ZDBF2: variants seen among roughly 807,000 people sequenced by gnomAD.
ZDBF2 encodes the protein DBF4-type zinc finger-containing protein 2.
ZDBF2 carries 6 observed loss-of-function variants against 9.4 expected under a neutral mutation model. The observed-to-expected ratio is 0.64, with a 90% confidence interval of 0.35 to 1.27. The LOEUF is 1.27. ZDBF2 is among the 50% of genes most tolerant of loss of function. The pLI is 0.03. For missense variants in ZDBF2, 2,697 were observed against 2,766.8 expected, an observed-to-expected ratio of 0.97 and a Z score of 0.57; for synonymous variants, 905 against 946.3, an observed-to-expected ratio of 0.96 and a Z score of 0.80.
Position 206,305,469 on chromosome 2 carries a change from A to G in ZDBF2, c.941A>G (p.Asp314Gly), listed in dbSNP as rs1234202172. Residue 314 changes from aspartate (D) to glycine (G), a missense_variant, in exon 5 of 5, where the codon GAC (aspartate) becomes GGC (glycine). Asp to Gly is a moderately conservative substitution (Grantham distance 94). This residue lies in a region of ZDBF2 where 910 missense variants were observed against 973.6 expected (regional missense o/e 0.93). Transcript: ENST00000374423. ...TTAGCAGTAAACCCGAATAAAACTG[A>G]CATGCCTTCTAATAAAGGAATCTTT... Reference protein sequence around the residue: ...SKLAVNPNKTDMPSNKGIFED... With the variant: ...SKLAVNPNKTGMPSNKGIFED... The G allele has an allele frequency of 6.2e-7, 1 of 1,613,154 alleles. No individual in the cohort carries two copies. The highest frequency in any genetic ancestry group is 1.1e-5 in the South Asian group (1 of 90,920).
chr2:206,304,775 G>T lies in ZDBF2; in HGVS notation c.247G>T (p.Asp83Tyr). 1 of 1,613,602 alleles carries T rather than the reference G, an allele frequency of 6.2e-7. No homozygotes were observed. The highest frequency in any genetic ancestry group is 8.5e-7 in the Non-Finnish European group (1 of 1,179,718). Residue 83 changes from aspartate to tyrosine, a missense_variant, in exon 5 of 5, where the codon GAT becomes TAT. Transcript: ENST00000374423. ...TGSSSEVVHL[D>Y]DAFSEEEEED... ...GTCATCGTCTGAAGTGGTGCATTTG[G>T]ATGATGCTTTTTCTGAAGAAGAGGA... is the stretch of plus-strand genomic sequence containing the variant.
At position 206,305,064 on chromosome 2, in the gene ZDBF2, G is replaced by A. The variant is rs955001690; in HGVS notation, c.536G>A (p.Arg179His). ...ACAAATAATAGAAGCAACTTGGTAC[G>A]CCCCCCAGTGATTTGTAATGCTCCT... Reference protein sequence around the residue: ...QATNNRSNLVRPPVICNAPAS... With the variant: ...QATNNRSNLVHPPVICNAPAS... Residue 179 changes from arginine (R) to histidine (H), a missense_variant, in exon 5 of 5, where the codon CGC becomes CAC. Around this residue, in one of 3 missense-constraint regions of ZDBF2, gnomAD observed 910 missense variants for 973.6 expected, o/e 0.93. Transcript: ENST00000374423. The A allele has an allele frequency of 2.5e-6, 4 of 1,613,710 alleles. No individual in the cohort carries two copies. Among genetic ancestry groups the A allele is most frequent in the East Asian group, 2.2e-5 (1 of 44,874 alleles).
chr2:206,311,048 A>C lies in ZDBF2; in HGVS notation c.6520A>C (p.Lys2174Gln). 1 of 1,610,142 alleles carries C rather than the reference A, an allele frequency of 6.2e-7. No homozygotes were observed. The highest frequency in any genetic ancestry group is 8.5e-7 in the Non-Finnish European group (1 of 1,179,026). Reference protein sequence around the residue: ...RNKLLESQSKKKIHGKRVTTS... With the variant: ...RNKLLESQSKQKIHGKRVTTS... ...TAAGCTTTTGGAAAGTCAAAGTAAA[A>C]AGAAAATTCATGGAAAGAGGGTGAC... is the stretch of plus-strand genomic sequence containing the variant. Residue 2174 changes from lysine (K) to glutamine (Q), a missense_variant, in exon 5 of 5, where the codon AAG becomes CAG. Physicochemically the swap from Lys to Gln is moderately conservative, Grantham distance 53. Coordinates refer to ENST00000374423, the MANE Select transcript of ZDBF2 (RefSeq NM_020923.3).
At chr2:206,276,156 T>C (rs6715020) in intron 1 of ZDBF2, among the ~76,000 whole-genome samples, 77,618 of 152,044 alleles carry the variant, frequency 0.51, 20,943 homozygotes, top group Non-Finnish European at 0.6. Context: ...GAATGCATTA[T>C]ATGTAATGAG....
In ZDBF2 at chr2:206,309,792, C is replaced by A. The variant is rs761665666; in HGVS notation, c.5264C>A (p.Pro1755His). ...GAGATGAATTTTCAGTGTGCTCCCC[C>A]TCTTCCATCTGATACTGATCAGCCT... ...GFEMNFQCAP[P>H]LPSDTDQPQE... Residue 1755 changes from proline to histidine, a missense_variant, in exon 5 of 5, where the codon CCT becomes CAT. Physicochemically the swap from Pro to His is moderately conservative, Grantham distance 77. Coordinates refer to ENST00000374423, the MANE Select transcript of ZDBF2 (RefSeq NM_020923.3). The A allele has an allele frequency of 1.2e-6, 2 of 1,613,814 alleles. No homozygotes were observed. Among genetic ancestry groups the A allele is most frequent in the Non-Finnish European group, 1.7e-6 (2 of 1,179,880 alleles).
In ZDBF2 at chr2:206,309,874, A is replaced by G. The variant is rs774333094; in HGVS notation, c.5346A>G (p.Glu1782=). ...AGAAGGTATCTTCTGACTTGAAAGAAAAGAACCATGATTCCCAGTCAAGCT... is the reference window on the plus strand; with the variant it reads ...AGAAGGTATCTTCTGACTTGAAAGAGAAGAACCATGATTCCCAGTCAAGCT... ...PCKKVSSDLK[E]KNHDSQSSSV... is the part of the protein sequence containing the mutation. Residue 1782 remains glutamate (E), a synonymous_variant, in exon 5 of 5, where the codon GAA becomes GAG. Coordinates refer to ENST00000374423, the MANE Select transcript of ZDBF2 (RefSeq NM_020923.3). The G allele has an allele frequency of 9.3e-6, 15 of 1,613,976 alleles. 2 individuals carry two copies. In the South Asian group the frequency reaches 1.6e-4, roughly 18 times the overall value.
intron 3 of ZDBF2, among the ~76,000 whole-genome samples, chr2:206,284,038 T>C (rs909952041): frequency 2.0e-5 from 3 of 152,226 alleles, no homozygotes; most frequent in African/African-American, 2.4e-5. Context: ...TGTTTTTTGG[T>C]GTCAGAAGGG....
At chr2:206,288,407 T>C (rs550503605) in intron 3 of ZDBF2, among the ~76,000 whole-genome samples, 3 of 152,352 alleles carry the variant, frequency 2.0e-5, no homozygotes, top group Admixed American at 6.5e-5. Context: ...CAGCATAGGC[T>C]GTGAATGTCC....
Position 206,306,110 on chromosome 2 carries a change from G to A in ZDBF2, c.1582G>A (p.Asp528Asn), listed in dbSNP as rs371415978. ...LPKEVHIGLV[D>N]KNYGSSSSEV... The stretch of plus-strand genomic sequence containing the variant: ...TAAGGAAGTGCACATTGGTTTGGTT[G>A]ATAAGAACTATGGTTCCAGTAGCTC... Residue 528 changes from aspartate (D) to asparagine (N), a missense_variant, in exon 5 of 5, where the codon GAT (aspartate) becomes AAT (asparagine). Around this residue, in one of 3 missense-constraint regions of ZDBF2, gnomAD observed 910 missense variants for 973.6 expected, o/e 0.93. Transcript: ENST00000374423. 5.6e-5 allele frequency: 90 copies of A among 1,613,686 alleles called. No individual in the cohort carries two copies. Among genetic ancestry groups the A allele is most frequent in the Non-Finnish European group, 7.3e-5 (86 of 1,179,814 alleles).
In ZDBF2 at chr2:206,297,433, G is replaced by A. The variant is rs1197463217; in HGVS notation, c.188+60G>A. ...GTTATATGTTACAGTAGGTGTTTGT[G>A]TTCATGTCCCAATCAATACTTTAAG... On this transcript the variant is annotated intron_variant, in intron 4 of 4. Transcript: ENST00000374423. 4 of 1,426,062 alleles carry A rather than the reference G, an allele frequency of 2.8e-6. No homozygotes were observed. In the Admixed American group the frequency reaches 6.3e-5, roughly 23 times the overall value. The allele number at this position is 1,426,062 out of a possible 1,614,324, so 88.3% of individuals were successfully genotyped here. A position where few individuals can be genotyped will look rare whatever the true frequency, so the allele number is the denominator to read the frequency against.
intron 3 of ZDBF2, among the ~76,000 whole-genome samples, chr2:206,290,517 A>G (rs1473663645): frequency 6.6e-6 from 1 of 152,192 alleles, no homozygotes; most frequent in Non-Finnish European, 1.5e-5. Context: ...GAGCTTTAAA[A>G]TCTTTCAGTG....
chr2:206,306,602 G>A lies in ZDBF2; in HGVS notation c.2074G>A (p.Val692Ile). The change falls in exon 5 of 5, where the codon GTT becomes ATT. Residue 692 changes from valine to isoleucine, a missense_variant. Around this residue, in one of 3 missense-constraint regions of ZDBF2, gnomAD observed 910 missense variants for 973.6 expected, o/e 0.93. Transcript: ENST00000374423. ...VAEIERQKVD[V>I]DLENKSVQSS... ...CGAAATAGAGCGTCAGAAAGTGGAT[G>A]TTGACCTTGAGAATAAGAGTGTTCA... The A allele has an allele frequency of 1.2e-6, 2 of 1,613,704 alleles. No homozygotes were observed. Among genetic ancestry groups the A allele is most frequent in the Non-Finnish European group, 8.5e-7 (1 of 1,179,768 alleles).
chr2:206,305,189 CCAAA>C lies in ZDBF2; in HGVS notation c.666_669del (p.Asn222LysfsTer22), dbSNP rs748009435. ...TTTGGATTCAGTTAGCAAATGTGAC[CCAAA>C]CAAAGTTGAGAAATATCTTGAACAG... On this transcript the variant is annotated frameshift_variant, in exon 5 of 5. Coordinates refer to ENST00000374423, the MANE Select transcript of ZDBF2 (RefSeq NM_020923.3). LOFTEE classifies it low-confidence loss of function (END_TRUNC). 9.9e-6 allele frequency: 16 copies of C among 1,613,618 alleles called. No homozygotes were observed. The highest frequency in any genetic ancestry group is 1.4e-5 in the Non-Finnish European group (16 of 1,179,824).
At position 206,311,077 on chromosome 2, in the gene ZDBF2, T is replaced by C; in HGVS notation, c.6549T>C (p.Thr2183=). Residue 2183 remains threonine (T), a synonymous_variant, in exon 5 of 5, where the codon ACT becomes ACC. Coordinates refer to ENST00000374423, the MANE Select transcript of ZDBF2 (RefSeq NM_020923.3). ...AAATTCATGGAAAGAGGGTGACAAC[T>C]AGTAGTAATAAGCTAGGTTTTCCCA... The part of the protein sequence containing the change: ...KKKIHGKRVT[T]SSNKLGFPKK... The C allele has an allele frequency of 1.2e-6, 2 of 1,612,930 alleles. No individual in the cohort carries two copies. The highest frequency in any genetic ancestry group is 1.7e-6 in the Non-Finnish European group (2 of 1,179,682).
chr2:206,302,673 T>G (rs1260371526), intron 4 of ZDBF2, among the ~76,000 whole-genome samples: 1 of 152,184 alleles, frequency 6.6e-6, no homozygotes, highest in Admixed American at 6.5e-5. Context: ...GTGTCATTGT[T>G]GAGAAGTATG....
At position 206,311,366 on chromosome 2, in the gene ZDBF2, G is replaced by A. The variant is rs764194697; in HGVS notation, c.6838G>A (p.Glu2280Lys). 69 of 1,605,756 alleles carry A rather than the reference G, an allele frequency of 4.3e-5. No homozygotes were observed. The highest frequency in any genetic ancestry group is 3.8e-4 in the South Asian group (34 of 89,662). Reference sequence around the variant, plus strand: ...CTCTTCAGTTCCACCAGCTGGTGCCGAAGAGCTGTCAAGCGCTATGGCAAA... The same window carrying A: ...CTCTTCAGTTCCACCAGCTGGTGCCAAAGAGCTGTCAAGCGCTATGGCAAA... The part of the protein sequence containing the change: ...LNSSVPPAGA[E>K]ELSSAMANPP... The change falls in exon 5 of 5, where the codon GAA becomes AAA. Residue 2280 changes from glutamate to lysine, a missense_variant. Physicochemically the swap from Glu to Lys is moderately conservative, Grantham distance 56 (BLOSUM62 1). Coordinates refer to ENST00000374423, the MANE Select transcript of ZDBF2 (RefSeq NM_020923.3).
intron 3 of ZDBF2, among the ~76,000 whole-genome samples, chr2:206,296,249 T>C (rs559157938): frequency 1.3e-5 from 2 of 152,290 alleles, no homozygotes; most frequent in Non-Finnish European, 2.9e-5. Context: ...ATAAATTGCA[T>C]GTTATTCTGA....
chr2:206,305,117 G>A lies in ZDBF2; in HGVS notation c.589G>A (p.Asp197Asn), dbSNP rs866727544. Reference sequence around the variant, plus strand: ...TAGTTGTTTACCTGAAAGCTCTAACGATAGACCAGTTACAGCTAATACAAC... The same window carrying A: ...TAGTTGTTTACCTGAAAGCTCTAACAATAGACCAGTTACAGCTAATACAAC... ...PASCLPESSN[D>N]RPVTANTTSL... Residue 197 changes from aspartate to asparagine, a missense_variant, in exon 5 of 5, where the codon GAT becomes AAT. Asp to Asn is a conservative substitution (Grantham distance 23, BLOSUM62 1). Coordinates refer to ENST00000374423, the MANE Select transcript of ZDBF2 (RefSeq NM_020923.3). 3.1e-6 allele frequency: 5 copies of A among 1,613,596 alleles called. No homozygotes were observed. The Admixed American group carries it at 5.0e-5, about 16-fold the overall frequency.
In ZDBF2 at chr2:206,306,722, A is replaced by G. The variant is rs1692822713; in HGVS notation, c.2194A>G (p.Lys732Glu). ...PQEALDEVNL[K>E]ELNIDMEVRS... ...AGAAGCTTTGGATGAAGTAAATCTT[A>G]AAGAGTTAAATATTGACATGGAAGT... Residue 732 changes from lysine to glutamate, a missense_variant, in exon 5 of 5, where the codon AAA becomes GAA. Lys to Glu is a moderately conservative substitution (Grantham distance 56). Transcript: ENST00000374423. 6.2e-7 allele frequency: 1 copy of G among 1,613,732 alleles called. No homozygotes were observed. The highest frequency in any genetic ancestry group is 1.3e-5 in the African/African-American group (1 of 74,916).
Sources: gnomAD v4.1 joint callset for allele counts (sites outside exome capture counted in the v4.1 genomes callset) on GRCh38, gnomAD v4.1.1 for gene constraint, gnomAD v4.1.1 regional missense constraint, MANE v1.5 for transcripts, NCBI Gene and HGNC (gene_info 2026-07-23, HGNC 2026-07-21) for gene names.